The following SLC26A4 variants were observed in gnomAD, a reference collection of about 807,000 sequenced individuals.
SLC26A4 encodes the protein pendrin.
SLC26A4 carries 93 observed loss-of-function variants against 90.4 expected under a neutral mutation model. The ratio of observed to expected loss-of-function variants is 1.03; its 90% confidence interval spans 0.87 to 1.22. SLC26A4 has a LOEUF of 1.22. Among genes scored for constraint, SLC26A4 ranks in the 50% most tolerant of loss-of-function variants. The probability of loss-of-function intolerance (pLI) is 0.00; values close to 1 mark genes in which losing one functional copy is unlikely to be tolerated. For missense variants in SLC26A4, 1,127 were observed against 946.2 expected, an observed-to-expected ratio of 1.19 and a Z score of -2.51; for synonymous variants, 393 against 354.6, an observed-to-expected ratio of 1.11 and a Z score of -1.22.
At chr7:107,693,461 A>G (rs1481711099) in intron 10 of SLC26A4, 1 of 985,236 alleles carries the variant, frequency 1.0e-6, no homozygotes, top group East Asian at 1.1e-4. Flanking sequence ...TTTGCACTAG[A>G]CAGTACTTGT....
At chr7:107,704,122 G>A (rs1791974073) in intron 17 of SLC26A4, among the ~76,000 whole-genome samples, 1 of 152,134 alleles carries the variant, frequency 6.6e-6, no homozygotes, top group South Asian at 2.1e-4. Context: ...GCTATTGAGC[G>A]CTGGATGTTG....
chr7:107,676,411 T>C (rs1047652465), intron 6 of SLC26A4, among the ~76,000 whole-genome samples: 3 of 152,206 alleles, frequency 2.0e-5, no homozygotes, highest in Non-Finnish European at 4.4e-5. Flanking sequence ...ATAATGTAAA[T>C]GTCTCAACAA....
chr7:107,678,351 G>A (rs1791081326), intron 6 of SLC26A4, among the ~76,000 whole-genome samples: 2 of 151,428 alleles, frequency 1.3e-5, no homozygotes, highest in Admixed American at 6.6e-5. Context: ...TCACCTCACT[G>A]GGCAAACATT....
chr7:107,661,528 G>C lies in SLC26A4; in HGVS notation c.-3-111G>C. 1 of 1,212,098 alleles carries C rather than the reference G, an allele frequency of 8.3e-7. No homozygotes were observed. Among genetic ancestry groups the C allele is most frequent in the Non-Finnish European group, 1.2e-6 (1 of 855,822 alleles). The allele number at this position is 1,212,098 out of a possible 1,614,324, so 75.1% of individuals were successfully genotyped here. On this transcript the variant is annotated intron_variant, in intron 1 of 20. Coordinates refer to ENST00000644269, the MANE Select transcript of SLC26A4 (RefSeq NM_000441.2). This position sits in a 1 kb window ranked among gnomAD's most constrained non-coding sequence, Gnocchi z 5.1. ...CGCGGACCAGACTCGCGGTGCAGGG[G>C]GGCCTGGCTGCAGCTAACAGGTGAT... is the stretch of plus-strand genomic sequence containing the variant.
Position 107,661,401 on chromosome 7 carries a change from C to G in SLC26A4, c.-3-238C>G. 1.7e-6 allele frequency: 1 copy of G among 592,508 alleles called. No homozygotes were observed. The highest frequency in any genetic ancestry group is 2.0e-5 in the South Asian group (1 of 50,388). 36.7% of individuals were successfully genotyped at this position (592,508 alleles called of 1,614,324 possible). The stretch of plus-strand genomic sequence containing the variant: ...CGCTTCAAGTTTGGGGAACCCCGGG[C>G]AGCGGGTGCAGGCCACGAGACCCGA... On this transcript the variant is annotated intron_variant, in intron 1 of 20. Transcript: ENST00000644269. The surrounding 1 kb of genome is among the most constrained non-coding windows in gnomAD (Gnocchi z 5.1).
intron 3 of SLC26A4, among the ~76,000 whole-genome samples, chr7:107,668,000 C>T (rs1790764446): frequency 6.6e-6 from 1 of 151,964 alleles, no homozygotes; most frequent in South Asian, 2.1e-4. Flanking sequence ...GAATAGTTGT[C>T]TCAAGGAGAG....
At position 107,679,867 on chromosome 7, in the gene SLC26A4, A is replaced by ATGT. The variant is rs1417251062; in HGVS notation, c.766-3334_766-3333insGTT. On this transcript the variant is annotated intron_variant, in intron 6 of 20. Coordinates refer to ENST00000644269, the MANE Select transcript of SLC26A4 (RefSeq NM_000441.2). ...TAATCTTATATTATTATATTATATA[A>ATGT]TCTTATATTATATAATCTTATCTTA... 1.4e-4 allele frequency among the ~76,000 whole-genome samples: 8 copies of ATGT among 56,864 alleles called. 1 individual carries two copies. In the East Asian group the frequency reaches 3.1e-3, roughly 22 times the overall value. The allele number at this position is 56,864 out of a possible 152,430, so 37.3% of individuals were successfully genotyped here.
In SLC26A4 at chr7:107,710,092, G is replaced by C; in HGVS notation, c.2128G>C (p.Asp710His). ...IEKLEQCGFF[D>H]DNIRKDTFFL... The stretch of plus-strand genomic sequence containing the variant: ...AAAGCTGGAGCAATGCGGGTTCTTT[G>C]ACGACAACATTAGAAAGGACACATT... Residue 710 changes from aspartate (D) to histidine (H), a missense_variant, in exon 19 of 21, where the codon GAC becomes CAC. By Grantham distance (81) the Asp-to-His change is moderately conservative. Transcript: ENST00000644269. The C allele has an allele frequency of 4.3e-6, 7 of 1,612,466 alleles. No individual in the cohort carries two copies. Among genetic ancestry groups the C allele is most frequent in the Non-Finnish European group, 5.9e-6 (7 of 1,178,490 alleles).
chr7:107,715,466 C>T lies in SLC26A4; in HGVS notation c.*20C>T, dbSNP rs867553057. 7 of 1,604,538 alleles carry T rather than the reference C, an allele frequency of 4.4e-6. No homozygotes were observed. In the South Asian group the frequency reaches 5.5e-5, roughly 13 times the overall value. On this transcript the variant is annotated 3_prime_UTR_variant, in exon 21 of 21. Coordinates refer to ENST00000644269, the MANE Select transcript of SLC26A4 (RefSeq NM_000441.2). ...TCCTGAAAGTGGGTTCGGGAGGTCT[C>T]TATGAGCAAGGAATACAAGACAAAA...
chr7:107,695,829 T>C lies in SLC26A4; in HGVS notation c.1438-104T>C, dbSNP rs549591336. 5.2e-6 allele frequency: 4 copies of C among 771,554 alleles called. No homozygotes were observed. In the South Asian group the frequency reaches 5.6e-5, roughly 11 times the overall value. 47.8% of individuals were successfully genotyped at this position (771,554 alleles called of 1,614,324 possible). Reference sequence around the variant, plus strand: ...CCCTATCTCAAAAGAAAAAAAAAAATGTAATTTGTTTGTGGATCATTGATC... The same window carrying C: ...CCCTATCTCAAAAGAAAAAAAAAAACGTAATTTGTTTGTGGATCATTGATC... On this transcript the variant is annotated intron_variant, in intron 12 of 20. Coordinates refer to ENST00000644269, the MANE Select transcript of SLC26A4 (RefSeq NM_000441.2).
intron 18 of SLC26A4, among the ~76,000 whole-genome samples, chr7:107,709,207 C>G (rs1317053654): frequency 1.3e-5 from 2 of 152,174 alleles, no homozygotes; most frequent in East Asian, 3.9e-4. Flanking sequence ...TGCTTTCTCC[C>G]CCAGTAATGA....
chr7:107,692,224 G>A (rs756839194), intron 10 of SLC26A4: 14 of 529,226 alleles, frequency 2.6e-5, no homozygotes, highest in African/African-American at 4.2e-5. Context: ...AGAATGAAAC[G>A]AGTAAAGAAA....
chr7:107,675,285 TAAAAAAAAAA>T (rs60022317), intron 6 of SLC26A4, among the ~76,000 whole-genome samples, 176 bp downstream of exon 6: 3 of 96,790 alleles, frequency 3.1e-5, no homozygotes, highest in South Asian at 3.6e-4. Flanking sequence ...CCTCATCTCT[TAAAAAAAAAA>T]AAAAAAAAAA....
In SLC26A4 at chr7:107,715,441, T is replaced by C; in HGVS notation, c.2338T>C (p.Ser780Pro). The C allele has an allele frequency of 1.2e-6, 2 of 1,613,144 alleles. No homozygotes were observed. The highest frequency in any genetic ancestry group is 1.7e-6 in the Non-Finnish European group (2 of 1,179,088). ...VQDEAMRTLA[S>P] ...TCCACAGGCTATGCGTACACTTGCATCCTGAAAGTGGGTTCGGGAGGTCTC... is the reference window on the plus strand; with the variant it reads ...TCCACAGGCTATGCGTACACTTGCACCCTGAAAGTGGGTTCGGGAGGTCTC... Residue 780 changes from serine to proline, a missense_variant, in exon 21 of 21, where the codon TCC (serine) becomes CCC (proline). Transcript: ENST00000644269.
At chr7:107,709,763 C>T (rs1792129526) in intron 18 of SLC26A4, among the ~76,000 whole-genome samples, 1 of 152,146 alleles carries the variant, frequency 6.6e-6, no homozygotes, top group African/African-American at 2.4e-5. Flanking sequence ...ATCTGGGTCA[C>T]ATTTTGGATA....
chr7:107,702,044 G>T lies in SLC26A4; in HGVS notation c.2021G>T (p.Arg674Ile). ...AISFLDVVGV[R>I]SLRVIVKEFQ... ...TCTTTCCTGGACGTTGTTGGAGTGA[G>T]ATCACTGCGGGTGGTAAGGTTCTGG... Residue 674 changes from arginine to isoleucine, a missense_variant, in exon 17 of 21, where the codon AGA becomes ATA. By Grantham distance (97) the Arg-to-Ile change is moderately conservative. Transcript: ENST00000644269. The T allele has an allele frequency of 6.2e-7, 1 of 1,605,674 alleles. No individual in the cohort carries two copies. Among genetic ancestry groups the T allele is most frequent in the Non-Finnish European group, 8.5e-7 (1 of 1,172,340 alleles).
intron 10 of SLC26A4, among the ~76,000 whole-genome samples, chr7:107,691,514 T>TACACACAC (rs113976786): frequency 0.027 from 3,541 of 130,956 alleles, 105 homozygotes; most frequent in African/African-American, 0.068. Flanking sequence ...AATATATATA[T>TACACACAC]ACACACACAC....
chr7:107,689,100 T>C lies in SLC26A4; in HGVS notation c.1049T>C (p.Leu350Pro). Residue 350 changes from leucine (L) to proline (P), a missense_variant, in exon 9 of 21, where the codon CTG becomes CCG. Physicochemically the swap from Leu to Pro is moderately conservative, Grantham distance 98. Coordinates refer to ENST00000644269, the MANE Select transcript of SLC26A4 (RefSeq NM_000441.2). ...CCTGTGAGCTTGTTCTCGGAGATGC[T>C]GGCTGCATCATTTTCCATCGCTGTG... The part of the protein sequence containing the change: ...LPPVSLFSEM[L>P]AASFSIAVVA... 6.2e-7 allele frequency: 1 copy of C among 1,614,018 alleles called. No individual in the cohort carries two copies.
At chr7:107,704,202 T>A in intron 17 of SLC26A4, 129 bp from the exon 18 acceptor site, 1 of 641,238 alleles carries the variant, frequency 1.6e-6, no homozygotes, top group Non-Finnish European at 2.9e-6. Flanking sequence ...TTTGCAATAA[T>A]AACCTTTCCT....
Sources: allele counts gnomAD v4.1 joint callset (sites outside exome capture counted in the v4.1 genomes callset), GRCh38; gene constraint gnomAD v4.1.1; non-coding constraint Gnocchi (gnomAD v3.1); transcripts MANE v1.5; gene names NCBI Gene and HGNC (gene_info 2026-07-23, HGNC 2026-07-21).